GLDC: variants seen among roughly 807,000 people sequenced by gnomAD.
GLDC encodes glycine dehydrogenase (decarboxylating), mitochondrial.
Under a neutral mutation model 121.3 loss-of-function variants are expected in GLDC, and 104 were observed. That is an observed-to-expected ratio of 0.86 (90% CI 0.73 to 1.01). The LOEUF (loss-of-function observed/expected upper bound fraction) is 1.01. Among genes scored for constraint, GLDC ranks in the 50% least tolerant of loss-of-function variants. The pLI, the probability that GLDC is intolerant of heterozygous loss-of-function variation, is 0.00. For synonymous variants in GLDC, 546 were observed against 480.6 expected (o/e 1.14, Z -1.78); for missense variants, 1,429 against 1,306.6 (o/e 1.09, Z -1.44).
At chr9:6,554,873 C>G in intron 18 of GLDC, 92 bp from the exon 19 acceptor site, 1 of 899,690 alleles carries the variant, frequency 1.1e-6, no homozygotes, top group Non-Finnish European at 1.8e-6. Context: ...TGCCTTCTCC[C>G]CTCAGAGGAA....
chr9:6,643,517 T>G (rs1819670660), intron 2 of GLDC, among the ~76,000 whole-genome samples: 2 of 140,452 alleles, frequency 1.4e-5, no homozygotes, highest in Non-Finnish European at 3.1e-5. Flanking sequence ...TGATTGAAAG[T>G]GAGATAACCA....
chr9:6,542,612 A>G (rs865978348), intron 21 of GLDC, among the ~76,000 whole-genome samples: 2 of 150,836 alleles, frequency 1.3e-5, no homozygotes, highest in African/African-American at 4.9e-5. Flanking sequence ...TCAGCCGGGC[A>G]TGGTAGCTCA....
rs1278424732 is a variant in GLDC at position 6,645,447 on chromosome 9, C to T, written c.53G>A (p.Gly18Asp). 4 of 1,259,258 alleles carry T rather than the reference C, an allele frequency of 3.2e-6. No individual in the cohort carries two copies. Among genetic ancestry groups the T allele is most frequent in the Non-Finnish European group, 4.0e-6 (4 of 1,009,308 alleles). 78.0% of individuals were successfully genotyped at this position (1,259,258 alleles called of 1,614,324 possible). Residue 18 changes from glycine (G) to aspartate (D), a missense_variant, in exon 1 of 25, where the codon GGC becomes GAC. Transcript: ENST00000321612. ...WGLRLGRGVG[G>D]GRRLAGGSGP... ...CGATCCCCCAGCCAGGCGGCGGCCG[C>T]CCCCGACCCCGCGGCCCAGGCGCAG... is the stretch of plus-strand genomic sequence containing the variant.
intron 8 of GLDC, among the ~76,000 whole-genome samples, chr9:6,596,527 G>C (rs1281189111): frequency 1.3e-5 from 2 of 152,108 alleles, no homozygotes; most frequent in Admixed American, 6.6e-5. Flanking sequence ...GATTGCTTTA[G>C]CCCAGGAGTT....
chr9:6,575,488 G>T (rs1257385984), intron 15 of GLDC, among the ~76,000 whole-genome samples: 1 of 152,198 alleles, frequency 6.6e-6, no homozygotes, highest in Non-Finnish European at 1.5e-5. Flanking sequence ...CAGAAACTCT[G>T]TAGGGTGAGG....
At position 6,609,127 on chromosome 9, in the gene GLDC, T is replaced by A. The variant is rs140648059; in HGVS notation, c.635+1065A>T. 3.9e-5 allele frequency among the ~76,000 whole-genome samples: 6 copies of A among 152,242 alleles called. No homozygotes were observed. The East Asian group carries it at 7.7e-4, about 20-fold the overall frequency. ...TGCGTCTTTCCCAACCAGATGGCCA[T>A]CTACATGAGAATTCCACCAGGAAGG... On this transcript the variant is annotated intron_variant, in intron 4 of 24. Transcript: ENST00000321612.
intron 18 of GLDC, chr9:6,555,048 A>G (rs1817594065): frequency 5.7e-6 from 3 of 522,910 alleles, no homozygotes; most frequent in Non-Finnish European, 1.0e-5. Context: ...ATTTGAATAC[A>G]CAGTCTCTTC....
At chr9:6,636,576 G>A (rs972439211) in intron 2 of GLDC, among the ~76,000 whole-genome samples, 1 of 152,024 alleles carries the variant, frequency 6.6e-6, no homozygotes, top group African/African-American at 2.4e-5. Context: ...CCAGGAATTC[G>A]AGACCAGCAT....
chr9:6,560,905 A>G (rs376288104), intron 16 of GLDC, among the ~76,000 whole-genome samples: 4 of 152,202 alleles, frequency 2.6e-5, no homozygotes, highest in African/African-American at 9.7e-5. Context: ...TATATTCTTA[A>G]GTGTCCTCAT....
At chr9:6,561,580 C>T (rs541213388) in intron 16 of GLDC, among the ~76,000 whole-genome samples, 52 of 152,172 alleles carry the variant, frequency 3.4e-4, no homozygotes, top group African/African-American at 1.2e-3. Flanking sequence ...ACCCGGGAGG[C>T]GGAGGTTGCC....
chr9:6,571,321 G>A (rs1057133238), intron 15 of GLDC, among the ~76,000 whole-genome samples: 4 of 152,126 alleles, frequency 2.6e-5, no homozygotes, highest in South Asian at 2.1e-4. Flanking sequence ...GGTGTACTAC[G>A]ATTTTTCCTA....
chr9:6,568,330 T>A (rs760371349), intron 15 of GLDC, among the ~76,000 whole-genome samples: 28 of 152,250 alleles, frequency 1.8e-4, no homozygotes, highest in Non-Finnish European at 3.8e-4. Context: ...TAGTGCCACC[T>A]GTTGGTAGAA....
At chr9:6,592,269 C>T (rs763184585) in intron 10 of GLDC, 46 bp from the exon 11 acceptor site, 1 of 1,165,440 alleles carries the variant, frequency 8.6e-7, no homozygotes. Flanking sequence ...CTAAACTCCA[C>T]ATCACTGGAG....
intron 2 of GLDC, among the ~76,000 whole-genome samples, chr9:6,630,239 A>C (rs1819348986): frequency 6.6e-6 from 1 of 152,042 alleles, no homozygotes; most frequent in African/African-American, 2.4e-5. Flanking sequence ...ACTGCACCCC[A>C]GCCTGGGTGA....
chr9:6,636,704 G>A (rs1221954447), intron 2 of GLDC, among the ~76,000 whole-genome samples: 5 of 152,112 alleles, frequency 3.3e-5, no homozygotes, highest in Admixed American at 2.6e-4. Context: ...GAACCCAGGA[G>A]GTCGAGGCTG....
intron 21 of GLDC, among the ~76,000 whole-genome samples, chr9:6,547,072 T>C (rs1817409691): frequency 6.6e-6 from 1 of 152,166 alleles, no homozygotes; most frequent in Non-Finnish European, 1.5e-5. Flanking sequence ...TAAATGTAAG[T>C]GTCATACTTT....
intron 3 of GLDC, among the ~76,000 whole-genome samples, chr9:6,618,553 C>T (rs1411569491): frequency 6.6e-6 from 1 of 152,108 alleles, no homozygotes; most frequent in African/African-American, 2.4e-5. Flanking sequence ...ATGATCCACC[C>T]GCCTCAACCT....
At chr9:6,634,569 A>C (rs13299772) in intron 2 of GLDC, among the ~76,000 whole-genome samples, 32,833 of 145,546 alleles carry the variant, frequency 0.23, 3,635 homozygotes, top group South Asian at 0.31. Context: ...CAAAAAAAAA[A>C]CCCGCCATGC....
chr9:6,623,940 T>C (rs1317192782), intron 2 of GLDC, among the ~76,000 whole-genome samples: 1 of 152,198 alleles, frequency 6.6e-6, no homozygotes, highest in Non-Finnish European at 1.5e-5. Flanking sequence ...CGGCTTCAAT[T>C]ATGATCCTGT....
Sources: gnomAD v4.1 joint callset for allele counts (sites outside exome capture counted in the v4.1 genomes callset) on GRCh38, gnomAD v4.1.1 for gene constraint, MANE v1.5 for transcripts, NCBI Gene and HGNC (gene_info 2026-07-23, HGNC 2026-07-21) for gene names.